The following ATP6V1E1 variants were observed in gnomAD, a reference collection of about 807,000 sequenced individuals.
ATP6V1E1 encodes V-type proton ATPase subunit E 1.
ATP6V1E1 carries 21 observed loss-of-function variants against 35.2 expected under a neutral mutation model. The observed-to-expected ratio is 0.60, with a 90% CI of 0.42 to 0.86. The LOEUF (loss-of-function observed/expected upper bound fraction) is 0.86, where lower values mean the gene tolerates loss of function less well. Among genes scored for constraint, ATP6V1E1 ranks in the 40% least tolerant of loss-of-function variants. ATP6V1E1 has a pLI of 0.00. For missense variants in ATP6V1E1, 183 were observed against 272.6 expected (o/e 0.67, Z 2.32); for synonymous variants, 83 against 87.8 (o/e 0.95, Z 0.30).
chr22:17,594,345 A>C (rs2057720404), intron 8 of ATP6V1E1, among the ~76,000 whole-genome samples, 184 bp downstream of exon 8: 1 of 152,198 alleles, frequency 6.6e-6, no homozygotes, highest in African/African-American at 2.4e-5. Context: ...CCCCAAATTC[A>C]CCCTCATGTA....
chr22:17,618,681 C>CA (rs796136446), intron 2 of ATP6V1E1, among the ~76,000 whole-genome samples: 2,371 of 69,826 alleles, frequency 0.034, 32 homozygotes, highest in East Asian at 0.07. Context: ...GACTCCATCT[C>CA]AAAAAAAAAA....
chr22:17,592,800 CTTTTTTTTTT>C lies in ATP6V1E1; in HGVS notation c.619-74_619-65del, dbSNP rs150344720. 6 of 720,384 alleles carry C rather than the reference CTTTTTTTTTT, an allele frequency of 8.3e-6. No individual in the cohort carries two copies. The South Asian group carries it at 9.0e-5, about 11-fold the overall frequency. The allele number at this position is 720,384 out of a possible 1,614,324, so 44.6% of individuals were successfully genotyped here. A position where few individuals can be genotyped will look rare whatever the true frequency, so the allele number is the denominator to read the frequency against. ...GAAGAAGTTGTAGAGCGCTGCACAT[CTTTTTTTTTT>C]TTTTTTTTTTGAGACGGAGTCTCGC... On this transcript the variant is annotated intron_variant, in intron 8 of 8. Transcript: ENST00000253413.
chr22:17,624,533 AAG>A (rs1317830946), intron 1 of ATP6V1E1, among the ~76,000 whole-genome samples: 2 of 149,084 alleles, frequency 1.3e-5, no homozygotes. Context: ...CAGCCTGGGC[AAG>A]AGAGCGAGAC....
At chr22:17,594,502 A>G in intron 8 of ATP6V1E1, 27 bp downstream of exon 8, 1 of 1,498,376 alleles carries the variant, frequency 6.7e-7, no homozygotes, top group Non-Finnish European at 9.0e-7. Context: ...CAGCAGACCA[A>G]CTACCAAGAA....
At chr22:17,624,850 C>T (rs1434878484) in intron 1 of ATP6V1E1, among the ~76,000 whole-genome samples, 1 of 152,020 alleles carries the variant, frequency 6.6e-6, no homozygotes, top group African/African-American at 2.4e-5. Flanking sequence ...GATCTAGATT[C>T]CAAGGAACTA....
At chr22:17,598,429 G>A (rs916591708) in intron 6 of ATP6V1E1, 141 bp from the exon 7 acceptor site, 2 of 658,570 alleles carry the variant, frequency 3.0e-6, no homozygotes, top group Admixed American at 2.7e-5. Flanking sequence ...AATGTAAAAC[G>A]GCACGGCCAC....
In ATP6V1E1 at chr22:17,592,182, T is replaced by C. The variant is rs1371115176; in HGVS notation, c.*492A>G. Reference sequence around the variant, plus strand: ...AATCACATTAAATCCGCATAACTCTTTTAATAAATAAAGCATATTCATGGC... The same window carrying C: ...AATCACATTAAATCCGCATAACTCTCTTAATAAATAAAGCATATTCATGGC... On this transcript the variant is annotated 3_prime_UTR_variant, in exon 9 of 9. Transcript: ENST00000253413. The C allele has an allele frequency of 6.5e-6, 1 of 154,402 alleles. No homozygotes were observed. The highest frequency in any genetic ancestry group is 1.4e-5 in the Non-Finnish European group (1 of 69,364). 9.6% of individuals were successfully genotyped at this position (154,402 alleles called of 1,614,324 possible).
chr22:17,607,077 TCA>T (rs2057790444), intron 4 of ATP6V1E1, among the ~76,000 whole-genome samples: 1 of 152,150 alleles, frequency 6.6e-6, no homozygotes, highest in African/African-American at 2.4e-5. Context: ...CCTAACAGAC[TCA>T]TAGAGCTTCA....
chr22:17,621,041 G>A (rs566456735), intron 1 of ATP6V1E1, among the ~76,000 whole-genome samples: 7 of 152,030 alleles, frequency 4.6e-5, no homozygotes, highest in African/African-American at 1.4e-4. Flanking sequence ...CAGCCTGGGC[G>A]ACAGAGCGAG....
At chr22:17,617,128 T>G (rs2146312614) in intron 2 of ATP6V1E1, among the ~76,000 whole-genome samples, 1 of 152,228 alleles carries the variant, frequency 6.6e-6, no homozygotes, top group South Asian at 2.1e-4. Context: ...CTGTTATGTA[T>G]TAGTGAGAGG....
At chr22:17,602,070 C>A (rs5747255) in intron 4 of ATP6V1E1, among the ~76,000 whole-genome samples, 83,418 of 151,882 alleles carry the variant, frequency 0.55, 24,511 homozygotes, top group African/African-American at 0.76. Context: ...ATACCCAGCT[C>A]ATATTATTTT....
intron 4 of ATP6V1E1, among the ~76,000 whole-genome samples, chr22:17,611,485 A>C (rs1407429681): frequency 3.9e-5 from 6 of 152,200 alleles, no homozygotes; most frequent in African/African-American, 1.4e-4. Flanking sequence ...TGGTGTCCTA[A>C]ATATCAGTCC....
chr22:17,592,802 T>C (rs1250305938), intron 8 of ATP6V1E1, 66 bp from the exon 9 acceptor site: 3 of 409,562 alleles, frequency 7.3e-6, no homozygotes, highest in Admixed American at 4.7e-5. Context: ...CTGCACATCT[T>C]TTTTTTTTTT....
chr22:17,628,539 CG>C, intron 1 of ATP6V1E1, 63 bp downstream of exon 1: 1 of 1,609,600 alleles, frequency 6.2e-7, no homozygotes, highest in Admixed American at 1.7e-5. Context: ...CTTCCCTAGG[CG>C]GGCTCCAGCC....
At chr22:17,600,959 A>G (rs2057758954) in intron 5 of ATP6V1E1, 133 bp downstream of exon 5, 1 of 714,176 alleles carries the variant, frequency 1.4e-6, no homozygotes, top group Non-Finnish European at 2.3e-6. Flanking sequence ...AAAAGCTAAA[A>G]GAAAAAAAAA....
At chr22:17,596,577 A>G (rs140045273) in intron 7 of ATP6V1E1, among the ~76,000 whole-genome samples, 2 of 152,080 alleles carry the variant, frequency 1.3e-5, no homozygotes, top group African/African-American at 4.8e-5. Context: ...TCATGAACCA[A>G]ATAAACCTCT....
upstream of ATP6V1E1, chr22:17,628,752 C>A (rs75779762): frequency 1.4e-6 from 2 of 1,422,028 alleles, no homozygotes; most frequent in Non-Finnish European, 2.0e-6. Context: ...TACTTTATAA[C>A]CGCGGGTTCC....
At chr22:17,597,912 T>G (rs1051301022) in intron 7 of ATP6V1E1, 2 of 383,360 alleles carry the variant, frequency 5.2e-6, no homozygotes, top group Non-Finnish European at 9.7e-6. Context: ...CTCTTGACCT[T>G]GTGATCCACC....
intron 1 of ATP6V1E1, among the ~76,000 whole-genome samples, chr22:17,622,915 T>C (rs562120084): frequency 1.4e-3 from 217 of 152,090 alleles, no homozygotes; most frequent in African/African-American, 5.0e-3. Context: ...GTGGTAGGCA[T>C]AGATTGTGCC....
Sources: gnomAD v4.1 joint callset for allele counts (sites outside exome capture counted in the v4.1 genomes callset) on GRCh38, gnomAD v4.1.1 for gene constraint, MANE v1.5 for transcripts, NCBI Gene and HGNC (gene_info 2026-07-23, HGNC 2026-07-21) for gene names.